Variants in PREX2 observed in about 807,000 individuals in gnomAD.
PREX2 encodes the protein phosphatidylinositol 3,4,5-trisphosphate-dependent Rac exchanger 2 protein.
Under a neutral mutation model 203.2 loss-of-function variants are expected in PREX2, and 107 were observed. The observed-to-expected ratio is 0.53, with a 90% CI of 0.45 to 0.62. PREX2 has a LOEUF of 0.62. Among genes scored for constraint, PREX2 ranks in the 20% least tolerant of loss-of-function variants. PREX2 has a pLI of 0.00. For synonymous variants in PREX2, 672 were observed against 663.6 expected, an observed-to-expected ratio of 1.01 and a Z score of -0.19; for missense variants, 1,777 against 1,955.9, an observed-to-expected ratio of 0.91 and a Z score of 1.72.
intron 37 of PREX2, among the ~76,000 whole-genome samples, chr8:68,199,778 T>TGTCA (rs1294549529): frequency 6.6e-6 from 1 of 152,228 alleles, no homozygotes; most frequent in African/African-American, 2.4e-5. Context: ...TACTTTACTC[T>TGTCA]GTCATTACCC....
At chr8:68,032,352 G>T (rs1166245786) in intron 6 of PREX2, among the ~76,000 whole-genome samples, 1 of 152,166 alleles carries the variant, frequency 6.6e-6, no homozygotes, top group African/African-American at 2.4e-5. Flanking sequence ...AGGCACAGGG[G>T]AGATAATATG....
chr8:68,080,385 GA>G, intron 15 of PREX2, 57 bp from the exon 16 acceptor site: 1 of 1,516,906 alleles, frequency 6.6e-7, no homozygotes, highest in Non-Finnish European at 9.1e-7. Flanking sequence ...CACTGCTATT[GA>G]AAATGAGTGC....
At position 68,157,447 on chromosome 8, in the gene PREX2, A is replaced by G. The variant is rs752688252; in HGVS notation, c.4346+11A>G. On this transcript the variant is annotated intron_variant, in intron 35 of 39. Coordinates refer to ENST00000288368, the MANE Select transcript of PREX2 (RefSeq NM_024870.4). ...CAACCAGAAGCTCAGGTATGTAACA[A>G]TCCAACTGAAAAATAATGAGTGTCT... 5 of 1,461,560 alleles carry G rather than the reference A, an allele frequency of 3.4e-6. No homozygotes were observed. The highest frequency in any genetic ancestry group is 9.6e-7 in the Non-Finnish European group (1 of 1,043,784). 90.5% of individuals were successfully genotyped at this position (1,461,560 alleles called of 1,614,324 possible).
At chr8:68,146,631 A>T (rs1811331262) in intron 34 of PREX2, among the ~76,000 whole-genome samples, 1 of 152,186 alleles carries the variant, frequency 6.6e-6, no homozygotes, top group Admixed American at 6.5e-5. Flanking sequence ...AGTAAGTTAA[A>T]TTATGGTAAA....
At chr8:68,028,055 A>T (rs1446740156) in intron 5 of PREX2, among the ~76,000 whole-genome samples, 3 of 151,926 alleles carry the variant, frequency 2.0e-5, no homozygotes, top group African/African-American at 7.3e-5. Context: ...AAGCACATGA[A>T]CTCTGAGTTT....
intron 34 of PREX2, among the ~76,000 whole-genome samples, chr8:68,151,071 C>G (rs1375637019): frequency 6.6e-6 from 1 of 152,094 alleles, no homozygotes; most frequent in African/African-American, 2.4e-5. Flanking sequence ...TTGGGCCTAT[C>G]ATAATTCAGT....
At chr8:68,038,023 C>G in intron 6 of PREX2, 136 bp from the exon 7 acceptor site, 3 of 870,506 alleles carry the variant, frequency 3.4e-6, no homozygotes, top group Non-Finnish European at 5.3e-6. Context: ...GTATAACTAT[C>G]TCTACTGCTT....
chr8:67,995,698 A>T (rs942714845), intron 1 of PREX2, among the ~76,000 whole-genome samples: 4 of 152,172 alleles, frequency 2.6e-5, no homozygotes, highest in Admixed American at 6.5e-5. Context: ...TATAGCTCCT[A>T]ATGAGAACGT....
chr8:67,954,693 T>C (rs1805445485), intron 1 of PREX2, among the ~76,000 whole-genome samples: 1 of 152,200 alleles, frequency 6.6e-6, no homozygotes, highest in Non-Finnish European at 1.5e-5. Context: ...AATTAAATAT[T>C]TGTTAGATTA....
At chr8:68,163,657 AT>A (rs1563571237) in intron 35 of PREX2, among the ~76,000 whole-genome samples, 1 of 152,262 alleles carries the variant, frequency 6.6e-6, no homozygotes, top group East Asian at 1.9e-4. Flanking sequence ...GAGCAATTAG[AT>A]TTTTTTAAAT....
intron 24 of PREX2, among the ~76,000 whole-genome samples, chr8:68,108,730 A>G (rs1810471206): frequency 6.6e-6 from 1 of 152,172 alleles, no homozygotes; most frequent in African/African-American, 2.4e-5. Context: ...CTAGTTTTTA[A>G]TTACAGCTCC....
intron 30 of PREX2, among the ~76,000 whole-genome samples, chr8:68,125,708 A>G (rs1453370808): frequency 1.3e-5 from 2 of 152,098 alleles, no homozygotes; most frequent in African/African-American, 4.8e-5. Flanking sequence ...ATTAGTGAAC[A>G]CATTTTCAAC....
At chr8:68,103,455 A>G (rs963937689) in intron 23 of PREX2, 10 of 490,482 alleles carry the variant, frequency 2.0e-5, no homozygotes, top group African/African-American at 2.0e-4. Flanking sequence ...CTGAAGTTGC[A>G]TCTTCAGAAA....
chr8:68,093,128 T>C (rs11987691), intron 20 of PREX2, among the ~76,000 whole-genome samples: 69,373 of 151,924 alleles, frequency 0.46, 16,322 homozygotes, highest in African/African-American at 0.56. Context: ...CAGTAGCTCC[T>C]GCCTGTAATC....
chr8:68,219,065 C>T (rs1812901051), intron 38 of PREX2, among the ~76,000 whole-genome samples: 1 of 152,018 alleles, frequency 6.6e-6, no homozygotes, highest in African/African-American at 2.4e-5. Context: ...AAATTAATTG[C>T]CTTTCTGTTT....
In PREX2 at chr8:68,235,656, G is replaced by A. The variant is rs546846228; in HGVS notation, c.*4278G>A. On this transcript the variant is annotated 3_prime_UTR_variant, in exon 40 of 40. Transcript: ENST00000288368. ...CAGGTGGGGGAAAATTACAAGAGGG[G>A]TCTGTACCAAAAATGGCCCCAGGAT... 2 of 152,264 alleles carry A rather than the reference G, an allele frequency of 1.3e-5. No homozygotes were observed. Among genetic ancestry groups the A allele is most frequent in the South Asian group, 4.1e-4 (2 of 4,830 alleles). 9.4% of individuals were successfully genotyped at this position (152,264 alleles called of 1,614,324 possible).
At chr8:68,158,028 A>G (rs1423345592) in intron 35 of PREX2, among the ~76,000 whole-genome samples, 1 of 150,860 alleles carries the variant, frequency 6.6e-6, no homozygotes, top group Non-Finnish European at 1.5e-5. Context: ...CAAAAGCTTT[A>G]TTTGTCAACA....
Position 68,072,565 on chromosome 8 carries a change from G to A in PREX2, c.1564G>A (p.Ala522Thr), listed in dbSNP as rs748017182. The change falls in exon 14 of 40, where the codon GCA (alanine) becomes ACA (threonine). Residue 522 changes from alanine to threonine, a missense_variant. Physicochemically the swap from Ala to Thr is moderately conservative, Grantham distance 58 (BLOSUM62 0). Coordinates refer to ENST00000288368, the MANE Select transcript of PREX2 (RefSeq NM_024870.4). ...CAACAAACTGATAGACTGGTTAATT[G>A]CACAGGTAAATAGACAAATAGAAGT... ...MANKLIDWLIAQGDCRTREEA... is the reference protein window; with the variant it reads ...MANKLIDWLITQGDCRTREEA... 2.5e-6 allele frequency: 4 copies of A among 1,569,386 alleles called. No individual in the cohort carries two copies. Among genetic ancestry groups the A allele is most frequent in the Admixed American group, 1.7e-5 (1 of 59,678 alleles).
intron 35 of PREX2, among the ~76,000 whole-genome samples, chr8:68,164,595 T>TTG (rs1377335298): frequency 1.3e-5 from 2 of 150,506 alleles, no homozygotes; most frequent in East Asian, 3.9e-4. Context: ...CTTTTTTTTT[T>TTG]TTTTGAGACA....
Sources: gnomAD v4.1 joint callset for allele counts (sites outside exome capture counted in the v4.1 genomes callset) on GRCh38, gnomAD v4.1.1 for gene constraint, MANE v1.5 for transcripts, NCBI Gene and HGNC (gene_info 2026-07-23, HGNC 2026-07-21) for gene names.